NEURL1: variants seen among roughly 807,000 people sequenced by gnomAD.
NEURL1 encodes neuralized E3 ubiquitin protein ligase 1, also known as E3 ubiquitin-protein ligase NEURL1.
In NEURL1, 26 loss-of-function variants were observed where a neutral mutation model predicts 41.2. The ratio of observed to expected loss-of-function variants is 0.63; its 90% CI spans 0.46 to 0.87. The LOEUF is 0.87. Among genes scored for constraint, NEURL1 ranks in the 40% least tolerant of loss-of-function variants. The pLI is 0.00. For missense variants in NEURL1, 761 were observed against 871.1 expected, an observed-to-expected ratio of 0.87 and a Z score of 1.59; for synonymous variants, 400 against 402.3, an observed-to-expected ratio of 0.99 and a Z score of 0.07.
intron 1 of NEURL1, among the ~76,000 whole-genome samples, chr10:103,498,923 T>A (rs570550737): frequency 2.2e-4 from 33 of 152,390 alleles, no homozygotes; most frequent in African/African-American, 7.7e-4. Context: ...CACATTTCAC[T>A]TATCCATTCA....
At chr10:103,561,384 C>T (rs1384091025) in intron 1 of NEURL1, among the ~76,000 whole-genome samples, 1 of 152,212 alleles carries the variant, frequency 6.6e-6, no homozygotes, top group African/African-American at 2.4e-5. Context: ...GCCTCAGCCT[C>T]CCAAGTAGCT....
chr10:103,590,759 T>G lies in NEURL1; in HGVS notation c.*387T>G. The G allele has an allele frequency of 7.6e-6, 2 of 261,462 alleles. No individual in the cohort carries two copies. The highest frequency in any genetic ancestry group is 1.5e-5 in the Non-Finnish European group (2 of 133,934). 16.2% of individuals were successfully genotyped at this position (261,462 alleles called of 1,614,324 possible). On this transcript the variant is annotated 3_prime_UTR_variant, in exon 6 of 6. Transcript: ENST00000369780. ...TTGTGAGAATTAGAAAACATGTACCTTCCTCTGGGCAGCTGCAGCCCTGAG... is the reference window on the plus strand; with the variant it reads ...TTGTGAGAATTAGAAAACATGTACCGTCCTCTGGGCAGCTGCAGCCCTGAG...
chr10:103,590,310 G>T lies in NEURL1; in HGVS notation c.1663G>T (p.Ala555Ser). Residue 555 changes from alanine to serine, a missense_variant, in exon 6 of 6, where the codon GCC becomes TCC. Ala to Ser is a moderately conservative substitution (Grantham distance 99). Around this residue, in one of 5 missense-constraint regions of NEURL1, gnomAD observed 45 missense variants for 89.9 expected, o/e 0.50. Transcript: ENST00000369780. ...CGLRLKKALH[A>S]CCPICRRPIK... The stretch of plus-strand genomic sequence containing the variant: ...CCTGCGCCTCAAGAAGGCTCTGCAC[G>T]CCTGCTGCCCCATCTGCCGCCGCCC... 1 of 1,614,108 alleles carries T rather than the reference G, an allele frequency of 6.2e-7. No individual in the cohort carries two copies. Among genetic ancestry groups the T allele is most frequent in the South Asian group, 1.1e-5 (1 of 91,074 alleles).
intron 3 of NEURL1, among the ~76,000 whole-genome samples, chr10:103,579,447 A>G (rs1379406797): frequency 2.0e-5 from 3 of 152,174 alleles, no homozygotes; most frequent in Non-Finnish European, 4.4e-5. Context: ...TCCCACCAGG[A>G]GAGTTTTTCT....
At chr10:103,585,340 A>G (rs1376000265) in intron 4 of NEURL1, 115 bp downstream of exon 4, 8 of 956,466 alleles carry the variant, frequency 8.4e-6, no homozygotes, top group African/African-American at 1.7e-5. Flanking sequence ...GTTGCTAAGG[A>G]ATCACAGACA....
At chr10:103,590,110 T>C (rs1395855590) in intron 5 of NEURL1, 24 bp from the exon 6 acceptor site, 1 of 1,610,158 alleles carries the variant, frequency 6.2e-7, no homozygotes, top group South Asian at 1.1e-5. Flanking sequence ...TGTCTCCTCC[T>C]GACTGGTGCC....
At chr10:103,590,043 G>A in intron 5 of NEURL1, 91 bp from the exon 6 acceptor site, 1 of 1,236,324 alleles carries the variant, frequency 8.1e-7, no homozygotes, top group South Asian at 1.3e-5. Context: ...ATAAATGGAG[G>A]GGGACACAAG....
intron 1 of NEURL1, among the ~76,000 whole-genome samples, chr10:103,564,189 C>T (rs2035368507): frequency 6.6e-6 from 1 of 152,202 alleles, no homozygotes; most frequent in South Asian, 2.1e-4. Context: ...TGAGGGTCAC[C>T]CGGAGAGCTG....
intron 1 of NEURL1, among the ~76,000 whole-genome samples, chr10:103,513,271 T>G (rs1177706218): frequency 1.3e-5 from 2 of 152,238 alleles, no homozygotes; most frequent in Admixed American, 1.3e-4. Context: ...TGCTTACTAC[T>G]GGGAATGTGA....
intron 3 of NEURL1, among the ~76,000 whole-genome samples, chr10:103,578,251 G>C (rs889612760): frequency 6.6e-6 from 1 of 151,944 alleles, no homozygotes; most frequent in African/African-American, 2.4e-5. Context: ...AAGGGCTTTT[G>C]TCTTTAGGTT....
chr10:103,543,490 A>G (rs2034863028), intron 1 of NEURL1, among the ~76,000 whole-genome samples: 1 of 152,148 alleles, frequency 6.6e-6, no homozygotes, highest in African/African-American at 2.4e-5. Flanking sequence ...CCAGGCTTTC[A>G]TCTTCCCTCC....
rs1361108658 is a variant in NEURL1 at position 103,540,495 on chromosome 10, G to A, written c.86-30377G>A. ...AGTACAGACAGGGTTTCACCATGTC[G>A]GCCAGGCTGGTCTCGAACTCCTGTC... On this transcript the variant is annotated intron_variant, in intron 1 of 5. Transcript: ENST00000369780. Among the ~76,000 whole-genome samples the A allele has an allele frequency of 2.0e-5, 3 of 152,030 alleles. No homozygotes were observed. In the East Asian group the frequency reaches 5.8e-4, roughly 29 times the overall value.
At chr10:103,563,058 A>G (rs1259556607) in intron 1 of NEURL1, among the ~76,000 whole-genome samples, 1 of 152,200 alleles carries the variant, frequency 6.6e-6, no homozygotes, top group Non-Finnish European at 1.5e-5. Context: ...CAGTTAATGC[A>G]GTTAAACGAG....
rs1359473572 is a variant in NEURL1, at chr10:103,584,776, A to T, written c.890A>T (p.His297Leu). ...CAGCTCGACGGCGACCTGCGTTTCC[A>T]CGCCCTGCGCGCCGGCGCGCACGTC... Reference protein sequence around the residue: ...PAQLDGDLRFHALRAGAHVRI... With the variant: ...PAQLDGDLRFLALRAGAHVRI... The change falls in exon 4 of 6, where the codon CAC (histidine) becomes CTC (leucine). Residue 297 changes from histidine (H) to leucine (L), a missense_variant. By Grantham distance (99) the His-to-Leu change is moderately conservative. Transcript: ENST00000369780. 10 of 777,918 alleles carry T rather than the reference A, an allele frequency of 1.3e-5. No homozygotes were observed. Among genetic ancestry groups the T allele is most frequent in the South Asian group, 1.6e-5 (1 of 61,512 alleles). The allele number at this position is 777,918 out of a possible 1,614,324, so 48.2% of individuals were successfully genotyped here.
chr10:103,494,303 C>G lies in NEURL1; in HGVS notation c.-85C>G. On this transcript the variant is annotated 5_prime_UTR_variant, in exon 1 of 6. Transcript: ENST00000369780. ...GCCCTCCCCCGGTGGCGCGCACCCG[C>G]GCGCGCACACTCGCACACCGCACCT... is the stretch of plus-strand genomic sequence containing the variant. The G allele has an allele frequency of 8.7e-7, 1 of 1,150,602 alleles. No individual in the cohort carries two copies. Among genetic ancestry groups the G allele is most frequent in the Middle Eastern group, 2.6e-4 (1 of 3,854 alleles). The allele number at this position is 1,150,602 out of a possible 1,614,324, so 71.3% of individuals were successfully genotyped here.
At chr10:103,571,896 T>C in intron 3 of NEURL1, 74 bp downstream of exon 3, 2 of 1,409,474 alleles carry the variant, frequency 1.4e-6, no homozygotes, top group East Asian at 2.3e-5. Context: ...CCTGGCACTG[T>C]TCAATCCCAT....
intron 1 of NEURL1, among the ~76,000 whole-genome samples, chr10:103,499,223 TG>T (rs2033762937): frequency 6.6e-6 from 1 of 152,128 alleles, no homozygotes; most frequent in African/African-American, 2.4e-5. Context: ...CTGAGGCTGC[TG>T]GGGGGCTGAA....
intron 1 of NEURL1, among the ~76,000 whole-genome samples, chr10:103,567,761 G>A (rs1327745182): frequency 3.3e-5 from 5 of 152,204 alleles, no homozygotes; most frequent in Non-Finnish European, 5.9e-5. Flanking sequence ...TGGCTCTTAC[G>A]TCCCTTTCTT....
intron 3 of NEURL1, among the ~76,000 whole-genome samples, chr10:103,577,401 C>T (rs2035688735): frequency 6.6e-6 from 1 of 152,204 alleles, no homozygotes; most frequent in African/African-American, 2.4e-5. Context: ...CTTTAAAGAT[C>T]CAGCATATAT....
Sources: allele counts gnomAD v4.1 joint callset (sites outside exome capture counted in the v4.1 genomes callset), GRCh38; gene constraint gnomAD v4.1.1; regional missense constraint gnomAD v4.1.1; transcripts MANE v1.5; gene names NCBI Gene and HGNC (gene_info 2026-07-23, HGNC 2026-07-21).